Variants in BRINP3 observed in about 807,000 individuals in gnomAD.
BRINP3 encodes BMP/retinoic acid-inducible neural-specific protein 3.
A neutral mutation model predicts 71.0 loss-of-function variants in BRINP3; 19 were observed. That is an observed-to-expected ratio of 0.27 (90% CI 0.19 to 0.39). BRINP3 has a LOEUF of 0.39. BRINP3 is among the 10% of genes least tolerant of loss of function. BRINP3 has a pLI of 1.00. For missense variants in BRINP3, 959 were observed against 940.8 expected (o/e 1.02, Z -0.25); for synonymous variants, 380 against 337.7 (o/e 1.13, Z -1.37).
intron 2 of BRINP3, among the ~76,000 whole-genome samples, chr1:190,327,326 C>CAAAAAA (rs1227478693): frequency 9.5e-4 from 42 of 44,232 alleles, no homozygotes; most frequent in African/African-American, 1.4e-3. Context: ...AAAAAAAGAA[C>CAAAAAA]AAAAAAAAAA....
intron 2 of BRINP3, among the ~76,000 whole-genome samples, chr1:190,375,237 T>C (rs530783292): frequency 6.6e-6 from 1 of 151,568 alleles, no homozygotes; most frequent in Non-Finnish European, 1.5e-5. Flanking sequence ...TACACACACA[T>C]ACAAATCATA....
chr1:190,383,199 T>C (rs1201002308), intron 2 of BRINP3, among the ~76,000 whole-genome samples: 1 of 152,150 alleles, frequency 6.6e-6, no homozygotes. Context: ...TTTAAATTTT[T>C]TATTGAGCCA....
chr1:190,466,281 T>G (rs1676742087), intron 1 of BRINP3, among the ~76,000 whole-genome samples: 1 of 151,794 alleles, frequency 6.6e-6, no homozygotes, highest in Non-Finnish European at 1.5e-5. Flanking sequence ...AAAGAAATCT[T>G]GGAGTTTGGT....
chr1:190,376,155 T>C (rs963858539), intron 2 of BRINP3, among the ~76,000 whole-genome samples: 1 of 151,850 alleles, frequency 6.6e-6, no homozygotes, highest in Admixed American at 6.6e-5. Context: ...TTTATGAACA[T>C]AGCTTTTTTT....
At chr1:190,193,888 T>C (rs908371752) in intron 6 of BRINP3, among the ~76,000 whole-genome samples, 2 of 152,012 alleles carry the variant, frequency 1.3e-5, no homozygotes, top group African/African-American at 4.8e-5. Flanking sequence ...CAATCTTCTG[T>C]GGGTAACAAG....
intron 2 of BRINP3, among the ~76,000 whole-genome samples, chr1:190,329,373 C>T (rs1474630077): frequency 3.3e-5 from 5 of 151,782 alleles, no homozygotes; most frequent in Non-Finnish European, 7.4e-5. Flanking sequence ...AGGGACACTT[C>T]TATGCAACAA....
chr1:190,369,556 G>A (rs947034339), intron 2 of BRINP3, among the ~76,000 whole-genome samples: 3 of 151,900 alleles, frequency 2.0e-5, no homozygotes, highest in Admixed American at 1.3e-4. Context: ...AATATTAAAT[G>A]TACAATCTCT....
chr1:190,197,476 T>TA (rs1254640195), intron 6 of BRINP3, among the ~76,000 whole-genome samples: 2 of 152,160 alleles, frequency 1.3e-5, no homozygotes, highest in African/African-American at 4.8e-5. Context: ...AAAAGCAAGT[T>TA]AGTTACTTCT....
chr1:190,367,164 T>C (rs1669559040), intron 2 of BRINP3, among the ~76,000 whole-genome samples: 1 of 152,212 alleles, frequency 6.6e-6, no homozygotes, highest in Non-Finnish European at 1.5e-5. Flanking sequence ...ATTCCACCCA[T>C]GTAGAACACT....
intron 1 of BRINP3, among the ~76,000 whole-genome samples, chr1:190,461,078 A>G (rs1468531372): frequency 1.3e-5 from 2 of 152,236 alleles, no homozygotes; most frequent in African/African-American, 4.8e-5. Context: ...AAATCTGAAC[A>G]TGCAAATCCT....
chr1:190,387,473 CTGTT>C (rs2102286091), intron 2 of BRINP3, among the ~76,000 whole-genome samples: 1 of 151,934 alleles, frequency 6.6e-6, no homozygotes, highest in African/African-American at 2.4e-5. Context: ...ATTTGGGTCA[CTGTT>C]TAATTTTGCA....
intron 2 of BRINP3, among the ~76,000 whole-genome samples, chr1:190,371,697 C>T (rs1179074311): frequency 6.6e-6 from 1 of 152,032 alleles, no homozygotes; most frequent in Admixed American, 6.6e-5. Context: ...TTTTTCTAGT[C>T]CCTTGAGAAA....
In BRINP3 at chr1:190,277,113, ATATATT is replaced by A. The variant is rs1553276688; in HGVS notation, c.427+4441_427+4446del. On this transcript the variant is annotated intron_variant, in intron 3 of 7. Coordinates refer to ENST00000367462, the MANE Select transcript of BRINP3 (RefSeq NM_199051.3). ...TATATATATATATATATATATATAT[ATATATT>A]TATATTCAGAAAAGAAAACTTTTTC... 1.3e-4 allele frequency among the ~76,000 whole-genome samples: 14 copies of A among 107,488 alleles called. No individual in the cohort carries two copies. The South Asian group carries it at 5.0e-3, about 38-fold the overall frequency. 70.5% of individuals were successfully genotyped at this position (107,488 alleles called of 152,430 possible). A position where few individuals can be genotyped will look rare whatever the true frequency, so the allele number is the denominator to read the frequency against.
chr1:190,108,370 G>A (rs1316118090), intron 7 of BRINP3, among the ~76,000 whole-genome samples: 1 of 151,518 alleles, frequency 6.6e-6, no homozygotes, highest in Admixed American at 6.6e-5. Flanking sequence ...GCACACGCTG[G>A]TATAAAATTT....
At chr1:190,137,084 T>C (rs1057115400) in intron 7 of BRINP3, among the ~76,000 whole-genome samples, 1 of 152,076 alleles carries the variant, frequency 6.6e-6, no homozygotes, top group Non-Finnish European at 1.5e-5. Context: ...TCTTGCTCAT[T>C]AAGAGACAAT....
intron 3 of BRINP3, among the ~76,000 whole-genome samples, chr1:190,268,217 A>T (rs1661817298): frequency 6.6e-6 from 1 of 152,162 alleles, no homozygotes; most frequent in East Asian, 1.9e-4. Context: ...GAATAATTAT[A>T]ACTATTTATG....
chr1:190,324,614 T>G (rs961739178), intron 2 of BRINP3, among the ~76,000 whole-genome samples: 4 of 151,922 alleles, frequency 2.6e-5, no homozygotes, highest in Admixed American at 2.0e-4. Flanking sequence ...CCTGACTTAT[T>G]TTGGGGAAAA....
intron 2 of BRINP3, among the ~76,000 whole-genome samples, chr1:190,283,753 G>A (rs2102943530): frequency 6.6e-6 from 1 of 151,194 alleles, no homozygotes; most frequent in East Asian, 1.9e-4. Context: ...AGGATATATA[G>A]TAATACAAAA....
At chr1:190,152,606 G>T (rs1656510641) in intron 7 of BRINP3, among the ~76,000 whole-genome samples, 2 of 115,944 alleles carry the variant, frequency 1.7e-5, no homozygotes, top group Admixed American at 2.6e-4. Flanking sequence ...TCTAAAAAAA[G>T]TGCCTCTATT....
Sources: allele counts gnomAD v4.1 joint callset (sites outside exome capture counted in the v4.1 genomes callset), GRCh38; gene constraint gnomAD v4.1.1; transcripts MANE v1.5; gene names NCBI Gene and HGNC (gene_info 2026-07-23, HGNC 2026-07-21).